The following BPIFB6 variants were observed in gnomAD, a reference collection of about 807,000 sequenced individuals.
BPIFB6 encodes BPI fold-containing family B member 6.
A neutral mutation model predicts 54.7 loss-of-function variants in BPIFB6; 47 were observed. The ratio of observed to expected loss-of-function variants is 0.86; its 90% confidence interval spans 0.68 to 1.10. BPIFB6 has a LOEUF of 1.10. BPIFB6 is among the 50% of genes least tolerant of loss of function. BPIFB6 has a pLI of 0.00. For missense variants in BPIFB6, 603 were observed against 564.1 expected, an observed-to-expected ratio of 1.07 and a Z score of -0.70; for synonymous variants, 255 against 225.9, an observed-to-expected ratio of 1.13 and a Z score of -1.16.
chr20:33,034,980 T>A, intron 4 of BPIFB6, 68 bp downstream of exon 4: 1 of 1,606,324 alleles, frequency 6.2e-7, no homozygotes, highest in Non-Finnish European at 8.5e-7. Flanking sequence ...TATCACTTCC[T>A]GAGCCATGGA....
chr20:33,043,407 T>A (rs1979676234), intron 14 of BPIFB6, 40 bp downstream of exon 14: 1 of 1,564,398 alleles, frequency 6.4e-7, no homozygotes, highest in Non-Finnish European at 8.8e-7. Context: ...CAATCAACAC[T>A]GTCAGCCAGT....
At chr20:33,041,905 C>T in intron 11 of BPIFB6, 65 bp from the exon 12 acceptor site, 1 of 1,504,848 alleles carries the variant, frequency 6.6e-7, no homozygotes, top group Non-Finnish European at 9.2e-7. Flanking sequence ...TCTCCAGCGC[C>T]AGGGCCACTG....
intron 2 of BPIFB6, among the ~76,000 whole-genome samples, 169 bp from the exon 3 acceptor site, chr20:33,034,017 G>A (rs1170392630): frequency 2.0e-5 from 3 of 150,582 alleles, no homozygotes; most frequent in Non-Finnish European, 4.4e-5. Flanking sequence ...TTCATGTCCA[G>A]CCTTTTGTTT....
At chr20:33,043,431 G>C in intron 14 of BPIFB6, 64 bp downstream of exon 14, 1 of 1,462,966 alleles carries the variant, frequency 6.8e-7, no homozygotes, top group East Asian at 2.3e-5. Context: ...TGATGAGCAA[G>C]AGCCTACCTC....
chr20:33,039,820 T>TG (rs772133850), intron 10 of BPIFB6, among the ~76,000 whole-genome samples: 4 of 152,162 alleles, frequency 2.6e-5, no homozygotes, highest in Non-Finnish European at 5.9e-5. Context: ...AAATCCAATT[T>TG]GGGGAAATCA....
Position 33,037,680 on chromosome 20 carries a change from T to C in BPIFB6, c.788T>C (p.Leu263Pro). Reference sequence around the variant, plus strand: ...CAGCTGCTGCTCCCAGCCACCTTCCTCTCTGCAGAGCTTGCCCTTCTGCAG... The same window carrying C: ...CAGCTGCTGCTCCCAGCCACCTTCCCCTCTGCAGAGCTTGCCCTTCTGCAG... The part of the protein sequence containing the change: ...SSQLLLPATF[L>P]SAELALLQKS... Residue 263 changes from leucine (L) to proline (P), a missense_variant, in exon 8 of 15, where the codon CTC (leucine) becomes CCC (proline). By Grantham distance (98) the Leu-to-Pro change is moderately conservative. Transcript: ENST00000349552. 3 of 1,614,052 alleles carry C rather than the reference T, an allele frequency of 1.9e-6. No individual in the cohort carries two copies. The highest frequency in any genetic ancestry group is 2.5e-6 in the Non-Finnish European group (3 of 1,180,022).
chr20:33,040,458 G>T, intron 11 of BPIFB6, 140 bp downstream of exon 11: 1 of 753,696 alleles, frequency 1.3e-6, no homozygotes, highest in South Asian at 1.6e-5. Flanking sequence ...TCCTGCTCTA[G>T]AACCCTCAAT....
chr20:33,036,804 T>C (rs937009995), intron 7 of BPIFB6, among the ~76,000 whole-genome samples: 2 of 152,176 alleles, frequency 1.3e-5, no homozygotes, highest in Non-Finnish European at 2.9e-5. Flanking sequence ...CTTCTCCTAG[T>C]GAGTGAAGCA....
intron 9 of BPIFB6, 79 bp from the exon 10 acceptor site, chr20:33,039,268 T>A: frequency 7.2e-7 from 1 of 1,398,368 alleles, no homozygotes; most frequent in Non-Finnish European, 9.7e-7. Flanking sequence ...AAATCACCTA[T>A]GTCTTGAGGG....
At position 33,039,513 on chromosome 20, in the gene BPIFB6, T is replaced by C; in HGVS notation, c.1067T>C (p.Leu356Pro). ...RSKAPMSLFLLEVHFNLKVQY... is the reference protein window; with the variant it reads ...RSKAPMSLFLPEVHFNLKVQY... Reference sequence around the variant, plus strand: ...AAGGCTCCAATGTCCCTCTTTCTCCTAGAAGTGGTGAGGGAAATCGTTCCC... The same window carrying C: ...AAGGCTCCAATGTCCCTCTTTCTCCCAGAAGTGGTGAGGGAAATCGTTCCC... Residue 356 changes from leucine to proline, a missense_variant, in exon 10 of 15, where the codon CTA becomes CCA. Transcript: ENST00000349552. 6.2e-7 allele frequency: 1 copy of C among 1,605,626 alleles called. No individual in the cohort carries two copies. The highest frequency in any genetic ancestry group is 8.5e-7 in the Non-Finnish European group (1 of 1,176,398).
intron 11 of BPIFB6, among the ~76,000 whole-genome samples, chr20:33,040,944 G>A (rs1979553760): frequency 6.6e-6 from 1 of 151,640 alleles, no homozygotes; most frequent in South Asian, 2.1e-4. Flanking sequence ...AGCCCCAAAG[G>A]GAATCCTTGG....
chr20:33,037,543 C>T lies in BPIFB6; in HGVS notation c.670-19C>T. ...CCCTCTCGGCCAAGGCTGAGTGTCTCCCTCCTGCTGCCCCATAGCCTGTGG... is the reference window on the plus strand; with the variant it reads ...CCCTCTCGGCCAAGGCTGAGTGTCTTCCTCCTGCTGCCCCATAGCCTGTGG... On this transcript the variant is annotated intron_variant, in intron 7 of 14. Coordinates refer to ENST00000349552, the MANE Select transcript of BPIFB6 (RefSeq NM_174897.2). 1 of 1,591,772 alleles carries T rather than the reference C, an allele frequency of 6.3e-7. No homozygotes were observed. Among genetic ancestry groups the T allele is most frequent in the Non-Finnish European group, 8.6e-7 (1 of 1,165,104 alleles).
chr20:33,035,719 G>T, intron 6 of BPIFB6, 47 bp downstream of exon 6: 1 of 1,572,258 alleles, frequency 6.4e-7, no homozygotes. Context: ...GGGATATCAG[G>T]ATAGATAGAC....
chr20:33,034,612 C>G, intron 3 of BPIFB6, 151 bp from the exon 4 acceptor site: 1 of 870,372 alleles, frequency 1.1e-6, no homozygotes, highest in Non-Finnish European at 1.8e-6. Context: ...GTTGTGTCAC[C>G]TGGGGCAGGT....
intron 13 of BPIFB6, among the ~76,000 whole-genome samples, 195 bp from the exon 14 acceptor site, chr20:33,043,096 C>A (rs1979660481): frequency 6.6e-6 from 1 of 152,150 alleles, no homozygotes. Flanking sequence ...GACTTTTGAC[C>A]CCATATCATA....
Position 33,039,332 on chromosome 20 carries a change from T to C in BPIFB6, c.901-15T>C. On this transcript the variant is annotated splice_polypyrimidine_tract_variant and intron_variant, in intron 9 of 14. Transcript: ENST00000349552. ...CTAAGGACTGGCCCTGAGTGAAGTGTTCTGGTTTCTGTAGGTGGCTGTAGC... is the reference window on the plus strand; with the variant it reads ...CTAAGGACTGGCCCTGAGTGAAGTGCTCTGGTTTCTGTAGGTGGCTGTAGC... 2 of 1,601,954 alleles carry C rather than the reference T, an allele frequency of 1.2e-6. No homozygotes were observed. Among genetic ancestry groups the C allele is most frequent in the Non-Finnish European group, 1.7e-6 (2 of 1,174,984 alleles).
At position 33,033,051 on chromosome 20, in the gene BPIFB6, G is replaced by T; in HGVS notation, c.165G>T (p.Gln55His). Residue 55 changes from glutamine (Q) to histidine (H), a missense_variant, in exon 2 of 15, where the codon CAG becomes CAT. By Grantham distance (24) the Gln-to-His change is conservative. Coordinates refer to ENST00000349552, the MANE Select transcript of BPIFB6 (RefSeq NM_174897.2). ...TGGCAGCCGAGGCAGGCAAGAAACA[G>T]CCAGGGATGAAACCTATCAAGGGCA... ...EKMAAEAGKK[Q>H]PGMKPIKGIT... is the part of the protein sequence containing the mutation. 1 of 1,614,082 alleles carries T rather than the reference G, an allele frequency of 6.2e-7. No individual in the cohort carries two copies. Among genetic ancestry groups the T allele is most frequent in the Non-Finnish European group, 8.5e-7 (1 of 1,179,948 alleles).
rs1473903832 is a variant in BPIFB6 at position 33,037,731 on chromosome 20, A to G, written c.839A>G (p.Asp280Gly). 1.9e-6 allele frequency: 3 copies of G among 1,613,998 alleles called. No individual in the cohort carries two copies. The highest frequency in any genetic ancestry group is 2.2e-5 in the South Asian group (2 of 91,072). Residue 280 changes from aspartate (D) to glycine (G), a missense_variant, in exon 8 of 15, where the codon GAT (aspartate) becomes GGT (glycine). By Grantham distance (94) the Asp-to-Gly change is moderately conservative. Coordinates refer to ENST00000349552, the MANE Select transcript of BPIFB6 (RefSeq NM_174897.2). ...LQKSFHVNIQ[D>G]TMIGELPPQT... is the part of the protein sequence containing the mutation. ...AAGTCCTTTCATGTGAATATCCAGG[A>G]TACAATGGTGAGCTGTCCAGTTCCC...
In BPIFB6 at chr20:33,034,807, C is replaced by G. The variant is rs1979258171; in HGVS notation, c.347C>G (p.Thr116Arg). The part of the protein sequence containing the change: ...NMEIIVALNI[T>R]ATNRLLRDEE... ...GAGATCATCGTGGCCCTGAACATCACAGCCACCAACCGGCTTCTGCGGGAT... is the reference window on the plus strand; with the variant it reads ...GAGATCATCGTGGCCCTGAACATCAGAGCCACCAACCGGCTTCTGCGGGAT... Residue 116 changes from threonine to arginine, a missense_variant, in exon 4 of 15, where the codon ACA (threonine) becomes AGA (arginine). Transcript: ENST00000349552. 2 of 1,613,880 alleles carry G rather than the reference C, an allele frequency of 1.2e-6. No homozygotes were observed. Among genetic ancestry groups the G allele is most frequent in the East Asian group, 2.2e-5 (1 of 44,868 alleles).
Sources: gnomAD v4.1 joint callset for allele counts (sites outside exome capture counted in the v4.1 genomes callset) on GRCh38, gnomAD v4.1.1 for gene constraint, MANE v1.5 for transcripts, NCBI Gene and HGNC (gene_info 2026-07-23, HGNC 2026-07-21) for gene names.